The following PRKN variants were observed in gnomAD, a reference collection of about 807,000 sequenced individuals.
PRKN encodes the protein parkin RBR E3 ubiquitin protein ligase.
Under a neutral mutation model 59.5 loss-of-function variants are expected in PRKN, and 56 were observed. The ratio of observed to expected loss-of-function variants is 0.94; its 90% CI spans 0.76 to 1.18. PRKN has a LOEUF of 1.18. Among genes scored for constraint, PRKN ranks in the 50% most tolerant of loss-of-function variants. The pLI, the probability that PRKN is intolerant of heterozygous loss-of-function variation, is 0.00. For missense variants in PRKN, 657 were observed against 596.4 expected, an observed-to-expected ratio of 1.10 and a Z score of -1.06; for synonymous variants, 250 against 222.1, an observed-to-expected ratio of 1.13 and a Z score of -1.12.
Position 161,546,739 on chromosome 6 carries a change from G to C in PRKN, c.1083+2115C>G, listed in dbSNP as rs1188188812. ...ATCTCACTTCTAATGAATAAAGTGA[G>C]AGTGACAGGTGCAGCTTTGGGGATT... is the stretch of plus-strand genomic sequence containing the variant. On this transcript the variant is annotated intron_variant, in intron 9 of 11. Coordinates refer to ENST00000366898, the MANE Select transcript of PRKN (RefSeq NM_004562.3). The surrounding 1 kb of genome is among the most constrained non-coding windows in gnomAD (Gnocchi z 4.4). 6.6e-6 allele frequency among the ~76,000 whole-genome samples: 1 copy of C among 152,032 alleles called. No homozygotes were observed. The highest frequency in any genetic ancestry group is 1.9e-4 in the East Asian group (1 of 5,184).
At position 161,902,194 on chromosome 6, in the gene PRKN, G is replaced by A. The variant is rs760194718; in HGVS notation, c.734+71108C>T. ...TTATGCTGCCTCTTTCCAGCAATGC[G>A]TCAGGGCACTCCCCTGGCCGGCCCC... On this transcript the variant is annotated intron_variant, in intron 6 of 11. Coordinates refer to ENST00000366898, the MANE Select transcript of PRKN (RefSeq NM_004562.3). 3.9e-5 allele frequency among the ~76,000 whole-genome samples: 6 copies of A among 152,012 alleles called. No homozygotes were observed. The East Asian group carries it at 7.7e-4, about 20-fold the overall frequency.
rs1445088248 is a variant in PRKN, at chr6:161,470,137, AG to A, written c.1083+78716del. Among the ~76,000 whole-genome samples, 1 of 152,246 alleles carries A rather than the reference AG, an allele frequency of 6.6e-6. No individual in the cohort carries two copies. The highest frequency in any genetic ancestry group is 1.5e-5 in the Non-Finnish European group (1 of 68,050). ...TTTGCTCAAAATTGCATAGCTAGGA[AG>A]TGAACTCTGGCTAGGGTCTAAACCT... On this transcript the variant is annotated intron_variant, in intron 9 of 11. Coordinates refer to ENST00000366898, the MANE Select transcript of PRKN (RefSeq NM_004562.3). This position sits in a 1 kb window ranked among gnomAD's most constrained non-coding sequence, Gnocchi z 5.1.
At chr6:162,176,764 T>C (rs556585535) in intron 4 of PRKN, among the ~76,000 whole-genome samples, 12 of 152,182 alleles carry the variant, frequency 7.9e-5, no homozygotes, top group African/African-American at 2.9e-4. Flanking sequence ...ACTCCCACAG[T>C]AGAGAAAAGG....
chr6:162,021,085 A>C (rs1783130405), intron 5 of PRKN, among the ~76,000 whole-genome samples: 1 of 140,398 alleles, frequency 7.1e-6, no homozygotes, highest in Non-Finnish European at 1.5e-5. Flanking sequence ...CCTGGGTGAC[A>C]GAACGAGACT....
At chr6:161,935,514 A>T (rs1423793079) in intron 6 of PRKN, among the ~76,000 whole-genome samples, 1 of 150,552 alleles carries the variant, frequency 6.6e-6, no homozygotes, top group Non-Finnish European at 1.5e-5. Flanking sequence ...AGATCATGCT[A>T]CTGCACTGCA....
chr6:162,468,975 T>C (rs1791574207), intron 1 of PRKN, among the ~76,000 whole-genome samples: 1 of 152,164 alleles, frequency 6.6e-6, no homozygotes. Context: ...AAATTAAATT[T>C]AGTGCAGATA....
Position 161,402,179 on chromosome 6 carries a change from G to A in PRKN, c.1084-15302C>T, listed in dbSNP as rs1283681106. On this transcript the variant is annotated intron_variant, in intron 9 of 11. Transcript: ENST00000366898. The surrounding 1 kb of genome is among the most constrained non-coding windows in gnomAD (Gnocchi z 4.5). ...GGCCAAAGATAACTCATGCCTCGGGGGTCGTGAGCAGGAGGTGAAGCCAAA... is the reference window on the plus strand; with the variant it reads ...GGCCAAAGATAACTCATGCCTCGGGAGTCGTGAGCAGGAGGTGAAGCCAAA... Among the ~76,000 whole-genome samples the A allele has an allele frequency of 6.6e-6, 1 of 152,066 alleles. No individual in the cohort carries two copies. Among genetic ancestry groups the A allele is most frequent in the Non-Finnish European group, 1.5e-5 (1 of 68,018 alleles).
rs35792526 is a variant in PRKN at position 162,436,176 on chromosome 6, CAAA to C, written c.171+7131_171+7133del. Reference sequence around the variant, plus strand: ...AGGCGACAGAGTAAGACTCCATCTCCAAAAAAAAAAAAAAAAAAAAAAAAAAAA... The same window carrying C: ...AGGCGACAGAGTAAGACTCCATCTCCAAAAAAAAAAAAAAAAAAAAAAAAA... On this transcript the variant is annotated intron_variant, in intron 2 of 11. Transcript: ENST00000366898. 6.0e-3 allele frequency among the ~76,000 whole-genome samples: 328 copies of C among 54,662 alleles called. 1 individual carries two copies. Among genetic ancestry groups the C allele is most frequent in the African/African-American group, 0.019 (289 of 15,130 alleles). The allele number at this position is 54,662 out of a possible 152,430, so 35.9% of individuals were successfully genotyped here.
At chr6:162,383,187 T>A (rs894626177) in intron 2 of PRKN, among the ~76,000 whole-genome samples, 1 of 152,194 alleles carries the variant, frequency 6.6e-6, no homozygotes, top group Non-Finnish European at 1.5e-5. Flanking sequence ...CTTAATGACA[T>A]CTAGAATGGT....
intron 2 of PRKN, among the ~76,000 whole-genome samples, chr6:162,393,152 A>ATTTTTTTT (rs1369959830): frequency 5.1e-4 from 40 of 78,056 alleles, no homozygotes; most frequent in South Asian, 9.6e-4. Flanking sequence ...AGGATAGGAG[A>ATTTTTTTT]TTCTTTTTTT....
At chr6:162,374,731 G>A (rs1348922900) in intron 2 of PRKN, among the ~76,000 whole-genome samples, 2 of 151,952 alleles carry the variant, frequency 1.3e-5, no homozygotes, top group Admixed American at 6.6e-5. Context: ...GGGACCAGTT[G>A]ACAGTTTATA....
At chr6:161,906,042 G>C (rs1778133742) in intron 6 of PRKN, among the ~76,000 whole-genome samples, 1 of 151,384 alleles carries the variant, frequency 6.6e-6, no homozygotes, top group African/African-American at 2.4e-5. Flanking sequence ...ATGTTGCCCA[G>C]ACTGGTCTGT....
intron 1 of PRKN, among the ~76,000 whole-genome samples, chr6:162,681,246 T>C (rs1478832469): frequency 6.6e-6 from 1 of 152,176 alleles, no homozygotes. Flanking sequence ...TCTAACTCTA[T>C]AAGTTATTAA....
At chr6:161,834,040 A>T (rs1400649208) in intron 6 of PRKN, among the ~76,000 whole-genome samples, 3 of 152,178 alleles carry the variant, frequency 2.0e-5, no homozygotes, top group African/African-American at 7.2e-5. Flanking sequence ...GACAGTGAGC[A>T]AAAGTCCCAA....
At chr6:161,811,795 C>A (rs931005576) in intron 6 of PRKN, among the ~76,000 whole-genome samples, 1 of 151,848 alleles carries the variant, frequency 6.6e-6, no homozygotes, top group Admixed American at 6.6e-5. Flanking sequence ...TGGTGGCATG[C>A]ACCTGTAGTC....
intron 4 of PRKN, among the ~76,000 whole-genome samples, chr6:162,167,518 CTA>C (rs1308775672): frequency 2.0e-5 from 3 of 151,834 alleles, no homozygotes; most frequent in African/African-American, 4.8e-5. Flanking sequence ...AGGGATCTGA[CTA>C]TTATAGAGAA....
intron 2 of PRKN, among the ~76,000 whole-genome samples, chr6:162,385,979 T>A (rs1786782199): frequency 6.6e-6 from 1 of 152,122 alleles, no homozygotes; most frequent in South Asian, 2.1e-4. Flanking sequence ...AAGCTCAGTA[T>A]AATCTTGGAA....
At chr6:161,383,270 C>G (rs546730899) in intron 10 of PRKN, among the ~76,000 whole-genome samples, 1 of 152,332 alleles carries the variant, frequency 6.6e-6, no homozygotes, top group South Asian at 2.1e-4. Context: ...CGAATTGGGT[C>G]ATGAAATTTG....
chr6:161,732,516 T>C (rs1176455990), intron 7 of PRKN, among the ~76,000 whole-genome samples: 1 of 151,810 alleles, frequency 6.6e-6, no homozygotes, highest in Non-Finnish European at 1.5e-5. Flanking sequence ...GATAATTCAC[T>C]TTTATATTTC....
Sources: gnomAD v4.1 joint callset for allele counts (sites outside exome capture counted in the v4.1 genomes callset) on GRCh38, gnomAD v4.1.1 for gene constraint, Gnocchi (gnomAD v3.1) non-coding constraint, MANE v1.5 for transcripts, NCBI Gene and HGNC (gene_info 2026-07-23, HGNC 2026-07-21) for gene names.